The following CAMK2D variants were observed in gnomAD, a reference collection of about 807,000 sequenced individuals.
CAMK2D encodes calcium/calmodulin-dependent protein kinase type II subunit delta.
A neutral mutation model predicts 84.0 loss-of-function variants in CAMK2D; 37 were observed. The observed-to-expected ratio is 0.44, with a 90% CI of 0.34 to 0.58. CAMK2D has a LOEUF of 0.58. Among genes scored for constraint, CAMK2D ranks in the 20% least tolerant of loss-of-function variants. The probability of loss-of-function intolerance (pLI) is 0.02; values close to 1 mark genes in which losing one functional copy is unlikely to be tolerated. For missense variants in CAMK2D, 448 were observed against 652.5 expected, an observed-to-expected ratio of 0.69 and a Z score of 3.41; for synonymous variants, 202 against 212.5, an observed-to-expected ratio of 0.95 and a Z score of 0.43.
At chr4:113,602,705 T>A (rs2098958276) in intron 4 of CAMK2D, among the ~76,000 whole-genome samples, 1 of 152,264 alleles carries the variant, frequency 6.6e-6, no homozygotes, top group South Asian at 2.1e-4. Context: ...AGATGATATA[T>A]AAGCTGAAGT....
At chr4:113,475,004 A>T (rs2097589784) in intron 16 of CAMK2D, among the ~76,000 whole-genome samples, 1 of 152,224 alleles carries the variant, frequency 6.6e-6, no homozygotes, top group African/African-American at 2.4e-5. Context: ...ATAGCTAGAA[A>T]TATAAAAAGT....
intron 8 of CAMK2D, among the ~76,000 whole-genome samples, chr4:113,518,162 A>G (rs2098311209): frequency 6.6e-6 from 1 of 152,186 alleles, no homozygotes; most frequent in Non-Finnish European, 1.5e-5. Flanking sequence ...GGTACCCCAT[A>G]GAGACAAAAC....
chr4:113,665,636 C>T (rs905112990), intron 2 of CAMK2D, among the ~76,000 whole-genome samples: 4 of 152,140 alleles, frequency 2.6e-5, no homozygotes, highest in African/African-American at 9.7e-5. Flanking sequence ...ATCCACAGGC[C>T]CTGAAGCCAG....
intron 2 of CAMK2D, among the ~76,000 whole-genome samples, chr4:113,673,211 GA>G (rs917567066): frequency 6.6e-6 from 1 of 151,836 alleles, no homozygotes; most frequent in African/African-American, 2.4e-5. Flanking sequence ...AGAAATATTT[GA>G]AAAAAATGCA....
At chr4:113,557,655 T>A (rs2098673996) in intron 4 of CAMK2D, among the ~76,000 whole-genome samples, 1 of 152,256 alleles carries the variant, frequency 6.6e-6, no homozygotes, top group Non-Finnish European at 1.5e-5. Context: ...AGCTCTTATG[T>A]CTTACCATAG....
chr4:113,541,359 TAGA>T (rs1029416069), intron 6 of CAMK2D, among the ~76,000 whole-genome samples: 3 of 152,216 alleles, frequency 2.0e-5, no homozygotes, highest in African/African-American at 7.2e-5. Flanking sequence ...CAGATGTTTT[TAGA>T]AGAATTTGAA....
chr4:113,645,276 A>G (rs2099147343), intron 3 of CAMK2D, among the ~76,000 whole-genome samples: 1 of 152,134 alleles, frequency 6.6e-6, no homozygotes, highest in African/African-American at 2.4e-5. Flanking sequence ...TCAGCCTCCA[A>G]AAGTGCTGGG....
intron 3 of CAMK2D, among the ~76,000 whole-genome samples, chr4:113,619,845 C>A (rs1339746751): frequency 9.9e-5 from 15 of 152,030 alleles, no homozygotes; most frequent in African/African-American, 3.6e-4. Context: ...AACCCCTTTA[C>A]AGAAAAAGTC....
At chr4:113,727,300 C>G (rs1022387547) in intron 2 of CAMK2D, among the ~76,000 whole-genome samples, 1 of 152,034 alleles carries the variant, frequency 6.6e-6, no homozygotes. Context: ...GAATAAAATT[C>G]ACTTCCTGAT....
At chr4:113,536,722 C>T (rs1433310445) in intron 7 of CAMK2D, among the ~76,000 whole-genome samples, 2 of 152,046 alleles carry the variant, frequency 1.3e-5, no homozygotes, top group South Asian at 4.1e-4. Flanking sequence ...GTTAGAAATA[C>T]TATAATTTAA....
chr4:113,647,868 G>A (rs1265238074), intron 3 of CAMK2D, among the ~76,000 whole-genome samples: 1 of 152,148 alleles, frequency 6.6e-6, no homozygotes, highest in Non-Finnish European at 1.5e-5. Context: ...AAAGGTCACT[G>A]GAATAATCAA....
chr4:113,513,125 C>CA (rs1201210029), intron 12 of CAMK2D: 1 of 978,780 alleles, frequency 1.0e-6, no homozygotes. Flanking sequence ...GGGGTTCAGT[C>CA]ACGGAGGCTC....
intron 8 of CAMK2D, among the ~76,000 whole-genome samples, chr4:113,522,631 G>A (rs1379526185): frequency 1.3e-5 from 2 of 152,128 alleles, no homozygotes; most frequent in Non-Finnish European, 2.9e-5. Context: ...CTGTGTATGG[G>A]GTGGGGTGGT....
At chr4:113,601,513 T>G (rs2098952129) in intron 4 of CAMK2D, among the ~76,000 whole-genome samples, 1 of 151,966 alleles carries the variant, frequency 6.6e-6, no homozygotes, top group African/African-American at 2.4e-5. Flanking sequence ...AAATTCTAGA[T>G]TCATTGGTTT....
chr4:113,698,060 C>G (rs951213709), intron 2 of CAMK2D, among the ~76,000 whole-genome samples: 4 of 152,058 alleles, frequency 2.6e-5, no homozygotes, highest in African/African-American at 7.2e-5. Flanking sequence ...CTGAACATCA[C>G]AGCTTAACCT....
intron 16 of CAMK2D, among the ~76,000 whole-genome samples, chr4:113,467,772 A>G (rs1464693419): frequency 6.6e-6 from 1 of 152,178 alleles, no homozygotes. Flanking sequence ...CAGTTAGGCA[A>G]TAGGTGATTC....
chr4:113,617,082 T>G (rs1392762148), intron 3 of CAMK2D, among the ~76,000 whole-genome samples: 1 of 152,222 alleles, frequency 6.6e-6, no homozygotes, highest in African/African-American at 2.4e-5. Context: ...CCAACTTTCC[T>G]TTCTTCTTGC....
intron 3 of CAMK2D, among the ~76,000 whole-genome samples, chr4:113,623,383 TACACAC>T (rs144980152): frequency 1.3e-5 from 2 of 150,500 alleles, no homozygotes; most frequent in South Asian, 4.2e-4. Flanking sequence ...GATGTGTATA[TACACAC>T]ACACACACAC....
intron 2 of CAMK2D, among the ~76,000 whole-genome samples, chr4:113,710,670 C>T (rs555361872): frequency 6.6e-6 from 1 of 152,288 alleles, no homozygotes; most frequent in East Asian, 1.9e-4. Flanking sequence ...ATCCTACAGA[C>T]TATTTCTATT....
Sources: gnomAD v4.1 joint callset for allele counts (sites outside exome capture counted in the v4.1 genomes callset) on GRCh38, gnomAD v4.1.1 for gene constraint, MANE v1.5 for transcripts, NCBI Gene and HGNC (gene_info 2026-07-23, HGNC 2026-07-21) for gene names.